Variants in SAMD12 observed in about 807,000 individuals in gnomAD.
SAMD12 encodes the protein sterile alpha motif domain-containing protein 12.
A neutral mutation model predicts 15.0 loss-of-function variants in SAMD12; 9 were observed. The observed-to-expected ratio is 0.60, with a 90% CI of 0.36 to 1.05. The LOEUF (loss-of-function observed/expected upper bound fraction) is 1.05. Among genes scored for constraint, SAMD12 ranks in the 50% least tolerant of loss-of-function variants. The probability of loss-of-function intolerance (pLI) is 0.01; values close to 1 mark genes in which losing one functional copy is unlikely to be tolerated. For synonymous variants in SAMD12, 86 were observed against 90.1 expected (o/e 0.96, Z 0.25); for missense variants, 230 against 234.2 (o/e 0.98, Z 0.12).
chr8:118,220,018 A>G (rs1190813641), intron 4 of SAMD12, among the ~76,000 whole-genome samples: 1 of 152,238 alleles, frequency 6.6e-6, no homozygotes, highest in Non-Finnish European at 1.5e-5. Flanking sequence ...TGATATCCTT[A>G]TTATGAACAT....
chr8:118,509,656 A>T (rs1256220740), intron 2 of SAMD12, among the ~76,000 whole-genome samples: 2 of 152,292 alleles, frequency 1.3e-5, no homozygotes, highest in East Asian at 3.9e-4. Context: ...TTCCTTTTGT[A>T]TGGTGGAGTC....
At chr8:118,523,634 G>A (rs979458337) in intron 2 of SAMD12, among the ~76,000 whole-genome samples, 4 of 152,052 alleles carry the variant, frequency 2.6e-5, no homozygotes, top group Non-Finnish European at 5.9e-5. Context: ...CTACTTAACT[G>A]AAAAAGGTCA....
At chr8:118,614,329 T>C (rs1005765580) in intron 1 of SAMD12, among the ~76,000 whole-genome samples, 3 of 152,182 alleles carry the variant, frequency 2.0e-5, no homozygotes, top group Non-Finnish European at 4.4e-5. Flanking sequence ...ATATTCTCAT[T>C]TGATAGACAG....
rs183326033 is a variant in SAMD12 at position 118,589,923 on chromosome 8, T to C, written c.14-9030A>G. On this transcript the variant is annotated intron_variant, in intron 1 of 3. Transcript: ENST00000314727. ...ACATACTTTTCTCCATTCATCCCACTTAGTAAAGTTAAAAATGATGGACAT... is the reference window on the plus strand; with the variant it reads ...ACATACTTTTCTCCATTCATCCCACCTAGTAAAGTTAAAAATGATGGACAT... Among the ~76,000 whole-genome samples the C allele has an allele frequency of 3.2e-4, 49 of 152,278 alleles. 1 individual carries two copies. In the East Asian group the frequency reaches 9.3e-3, roughly 29 times the overall value.
chr8:118,258,461 T>C (rs187795194), intron 4 of SAMD12, among the ~76,000 whole-genome samples: 1 of 152,212 alleles, frequency 6.6e-6, no homozygotes, highest in Non-Finnish European at 1.5e-5. Context: ...ATTATTGTTA[T>C]TATTTGAGTG....
At chr8:118,398,096 G>C (rs1034282876) in intron 3 of SAMD12, among the ~76,000 whole-genome samples, 12 of 152,266 alleles carry the variant, frequency 7.9e-5, no homozygotes, top group African/African-American at 2.4e-4. Flanking sequence ...GCCAGGGCTT[G>C]AGAATTTAAA....
chr8:118,334,850 T>A (rs188810989), intron 4 of SAMD12, among the ~76,000 whole-genome samples: 38 of 152,312 alleles, frequency 2.5e-4, no homozygotes, highest in Non-Finnish European at 4.9e-4. Context: ...TGCCTCTGCA[T>A]CTCAAAGTGC....
At chr8:118,573,147 C>T (rs899448156) in intron 2 of SAMD12, among the ~76,000 whole-genome samples, 3 of 152,042 alleles carry the variant, frequency 2.0e-5, no homozygotes, top group Non-Finnish European at 4.4e-5. Context: ...TGCAATGGTG[C>T]GTTCCTGGCT....
downstream of SAMD12, among the ~76,000 whole-genome samples, chr8:118,186,105 C>A (rs1198729604): frequency 2.0e-5 from 3 of 152,114 alleles, no homozygotes; most frequent in African/African-American, 7.2e-5. Flanking sequence ...TTATTTCTTG[C>A]AAGACTTCTC....
chr8:118,251,362 A>G (rs1430494802), intron 4 of SAMD12, among the ~76,000 whole-genome samples: 4 of 152,132 alleles, frequency 2.6e-5, no homozygotes, highest in Admixed American at 6.5e-5. Context: ...CCGTTGCTGC[A>G]ATCAGGGCAT....
At chr8:118,142,281 C>T in the SAMD12 span, among the ~76,000 whole-genome samples, 4 of 152,196 alleles carry the variant, frequency 2.6e-5, no homozygotes, top group African/African-American at 9.7e-5. Context: ...AAGAATCAAT[C>T]TCAGCATTAA....
Position 118,433,876 on chromosome 8 carries a change from G to C in SAMD12, c.322+5956C>G, listed in dbSNP as rs963433675. Among the ~76,000 whole-genome samples, 6 of 152,242 alleles carry C rather than the reference G, an allele frequency of 3.9e-5. No homozygotes were observed. The South Asian group carries it at 1.2e-3, about 32-fold the overall frequency. The stretch of plus-strand genomic sequence containing the variant: ...AGTTAAATACGTTTACATTTTGTTT[G>C]GTTATACTGGATTCTACTAAGTAGT... On this transcript the variant is annotated intron_variant, in intron 3 of 3. Coordinates refer to ENST00000314727, the MANE Select transcript of SAMD12 (RefSeq NM_207506.3).
chr8:118,600,387 T>G (rs1827829728), intron 1 of SAMD12, among the ~76,000 whole-genome samples: 1 of 152,176 alleles, frequency 6.6e-6, no homozygotes, highest in Non-Finnish European at 1.5e-5. Flanking sequence ...AGATAGGTTT[T>G]GGGATCACTT....
At chr8:118,153,754 C>T in the SAMD12 span, among the ~76,000 whole-genome samples, 159 of 152,220 alleles carry the variant, frequency 1.0e-3, 1 homozygote, top group African/African-American at 3.7e-3. Context: ...GATATCTTTA[C>T]CTTTCCCCTT....
chr8:118,166,551 A>G, the SAMD12 span, among the ~76,000 whole-genome samples: 13 of 152,222 alleles, frequency 8.5e-5, no homozygotes, highest in Admixed American at 5.9e-4. Flanking sequence ...AGAGCCTTTC[A>G]TCCAAAAACC....
At chr8:118,569,553 G>A (rs979962059) in intron 2 of SAMD12, among the ~76,000 whole-genome samples, 2 of 152,172 alleles carry the variant, frequency 1.3e-5, no homozygotes, top group African/African-American at 4.8e-5. Context: ...CCCCCAATAA[G>A]GTGTTGTTTG....
chr8:118,356,478 C>T (rs758058112), intron 4 of SAMD12, among the ~76,000 whole-genome samples: 4 of 152,136 alleles, frequency 2.6e-5, no homozygotes, highest in Non-Finnish European at 4.4e-5. Flanking sequence ...TATATATAAA[C>T]GCCCACCTGC....
intron 2 of SAMD12, among the ~76,000 whole-genome samples, chr8:118,459,893 G>A (rs1003505520): frequency 3.9e-5 from 6 of 152,146 alleles, no homozygotes; most frequent in African/African-American, 1.2e-4. Flanking sequence ...TCTAACACAA[G>A]AGCAGACACT....
chr8:118,541,702 T>C (rs1825993599), intron 2 of SAMD12, among the ~76,000 whole-genome samples: 1 of 152,168 alleles, frequency 6.6e-6, no homozygotes, highest in Non-Finnish European at 1.5e-5. Context: ...ATTTCAAATA[T>C]TAAAAAAATT....
Sources: allele counts gnomAD v4.1 joint callset (sites outside exome capture counted in the v4.1 genomes callset), GRCh38; gene constraint gnomAD v4.1.1; transcripts MANE v1.5; gene names NCBI Gene and HGNC (gene_info 2026-07-23, HGNC 2026-07-21).